RPRD1A: variants seen among roughly 807,000 people sequenced by gnomAD.
RPRD1A encodes the protein regulation of nuclear pre-mRNA domain-containing protein 1A.
Under a neutral mutation model 37.8 loss-of-function variants are expected in RPRD1A, and 9 were observed. That is an observed-to-expected ratio of 0.24 (90% confidence interval 0.14 to 0.42). The LOEUF is 0.42. RPRD1A is among the 10% of genes least tolerant of loss of function. The pLI, the probability that RPRD1A is intolerant of heterozygous loss-of-function variation, is 1.00. For synonymous variants in RPRD1A, 138 were observed against 139.7 expected, an observed-to-expected ratio of 0.99 and a Z score of 0.08; for missense variants, 255 against 371.0, an observed-to-expected ratio of 0.69 and a Z score of 2.57.
chr18:36,015,179 C>CATAT (rs1568122106), intron 6 of RPRD1A, among the ~76,000 whole-genome samples: 1 of 132,034 alleles, frequency 7.6e-6, no homozygotes, highest in African/African-American at 3.5e-5. Context: ...TATATACACA[C>CATAT]ACACACACAC....
chr18:36,052,192 C>T (rs905925356), intron 1 of RPRD1A, among the ~76,000 whole-genome samples: 5 of 145,390 alleles, frequency 3.4e-5, no homozygotes, highest in African/African-American at 5.0e-5. Context: ...AGATTTTATA[C>T]TTAGCAAAAC....
chr18:35,996,986 A>C (rs1051235315), intron 6 of RPRD1A, among the ~76,000 whole-genome samples: 6 of 118,312 alleles, frequency 5.1e-5, no homozygotes, highest in Non-Finnish European at 1.2e-4. Context: ...TCAAAAAAAA[A>C]AAAAAAAAAA....
chr18:36,008,571 G>GTATATATACATATATATA, intron 6 of RPRD1A, among the ~76,000 whole-genome samples: 1 of 27,940 alleles, frequency 3.6e-5, no homozygotes, highest in South Asian at 1.1e-3. Context: ...GCAAGACCTT[G>GTATATATACATATATATA]TGTGTGTATA....
intron 1 of RPRD1A, among the ~76,000 whole-genome samples, chr18:36,057,583 G>C (rs1913882138): frequency 6.6e-6 from 1 of 152,128 alleles, no homozygotes; most frequent in African/African-American, 2.4e-5. Flanking sequence ...CTGCACTCTA[G>C]CCTGGGTGAG....
intron 2 of RPRD1A, among the ~76,000 whole-genome samples, chr18:36,033,313 A>C (rs1339292554): frequency 6.7e-6 from 1 of 150,188 alleles, no homozygotes; most frequent in Non-Finnish European, 1.5e-5. Context: ...AAAAAAAAAA[A>C]AAAAAAAAAA....
intron 6 of RPRD1A, among the ~76,000 whole-genome samples, chr18:36,002,546 T>C (rs1005959127): frequency 4.6e-5 from 7 of 151,934 alleles, no homozygotes; most frequent in African/African-American, 1.7e-4. Context: ...GTGTCGGTAA[T>C]TTTTTTTCCC....
At chr18:36,054,794 G>A (rs767472667) in intron 1 of RPRD1A, among the ~76,000 whole-genome samples, 1 of 151,870 alleles carries the variant, frequency 6.6e-6, no homozygotes, top group Non-Finnish European at 1.5e-5. Context: ...CTGAAGGCTG[G>A]CAAACTGGAG....
In RPRD1A at chr18:35,991,765, T is replaced by C. The variant is rs985266174; in HGVS notation, c.*1386A>G. The C allele has an allele frequency of 6.6e-6, 1 of 152,208 alleles. No individual in the cohort carries two copies. The highest frequency in any genetic ancestry group is 2.4e-5 in the African/African-American group (1 of 41,438). 9.4% of individuals were successfully genotyped at this position (152,208 alleles called of 1,614,324 possible). ...GGCTATTAAAAATAAATGTCTGCCT[T>C]CTTCATATGCAATTCATTGTAACTA... On this transcript the variant is annotated 3_prime_UTR_variant, in exon 7 of 7. Coordinates refer to ENST00000399022, the MANE Select transcript of RPRD1A (RefSeq NM_018170.5).
At chr18:36,001,664 G>A (rs1301929030) in intron 6 of RPRD1A, among the ~76,000 whole-genome samples, 4 of 152,152 alleles carry the variant, frequency 2.6e-5, no homozygotes, top group Non-Finnish European at 4.4e-5. Flanking sequence ...CCATATCTGA[G>A]CAGAGTGAAG....
chr18:36,014,312 C>T (rs1650501953), intron 6 of RPRD1A, among the ~76,000 whole-genome samples: 1 of 152,210 alleles, frequency 6.6e-6, no homozygotes, highest in South Asian at 2.1e-4. Context: ...TCTCATCTTT[C>T]AGGAAATATT....
intron 4 of RPRD1A, among the ~76,000 whole-genome samples, chr18:36,029,940 G>T (rs1228795279): frequency 1.3e-5 from 2 of 151,498 alleles, no homozygotes; most frequent in East Asian, 4.0e-4. Flanking sequence ...CGAGTAGCTG[G>T]GACTACAGGC....
chr18:36,009,480 T>A (rs1432748679), intron 6 of RPRD1A, among the ~76,000 whole-genome samples: 4 of 152,192 alleles, frequency 2.6e-5, no homozygotes, highest in African/African-American at 9.6e-5. Context: ...TGTGAATGCT[T>A]CCACCTTTAC....
rs138413588 is a variant in RPRD1A, at chr18:36,008,569, T to TTGTGTGTGTG, written c.790-15270_790-15269insCACACACACA. ...CTAGCCTGGGCGACACAGCAAGACCTTGTGTGTGTATATATATATATCTTT... is the reference window on the plus strand; with the variant it reads ...CTAGCCTGGGCGACACAGCAAGACCTTGTGTGTGTGTGTGTGTGTATATATATATATCTTT... On this transcript the variant is annotated intron_variant, in intron 6 of 6. Coordinates refer to ENST00000399022, the MANE Select transcript of RPRD1A (RefSeq NM_018170.5). 3.4e-3 allele frequency among the ~76,000 whole-genome samples: 192 copies of TTGTGTGTGTG among 56,024 alleles called. 5 individuals carry two copies. Among genetic ancestry groups the TTGTGTGTGTG allele is most frequent in the East Asian group, 5.7e-3 (14 of 2,470 alleles). 36.8% of individuals were successfully genotyped at this position (56,024 alleles called of 152,430 possible). A position where few individuals can be genotyped will look rare whatever the true frequency, so the allele number is the denominator to read the frequency against.
chr18:36,043,196 C>CG (rs34464375), intron 1 of RPRD1A, among the ~76,000 whole-genome samples: 4,605 of 65,400 alleles, frequency 0.07, 318 homozygotes, highest in African/African-American at 0.17. Context: ...CAAGAAGAAT[C>CG]GGGGGGGGGG....
intron 6 of RPRD1A, among the ~76,000 whole-genome samples, chr18:36,013,652 G>A (rs1365893081): frequency 6.6e-6 from 1 of 152,142 alleles, no homozygotes; most frequent in Non-Finnish European, 1.5e-5. Context: ...GCAAAGACCT[G>A]CGCCATTTTT....
intron 1 of RPRD1A, chr18:36,062,925 G>A (rs1281324782): frequency 2.6e-5 from 4 of 152,088 alleles, no homozygotes; most frequent in Non-Finnish European, 5.9e-5. Flanking sequence ...ATGGATAAAA[G>A]GTGTGGTATG....
chr18:36,036,759 A>G (rs1912218617), intron 1 of RPRD1A, among the ~76,000 whole-genome samples: 2 of 152,204 alleles, frequency 1.3e-5, no homozygotes, highest in Admixed American at 1.3e-4. Flanking sequence ...GAATTTTGAT[A>G]TTTTTAAAAA....
intron 1 of RPRD1A, among the ~76,000 whole-genome samples, chr18:36,054,206 AT>A (rs11297852): frequency 1 from 152,354 of 152,354 alleles, 76,177 homozygotes; most frequent in Non-Finnish European, 1. Flanking sequence ...TAGTAAATCT[AT>A]TGGCTGGGCA....
intron 6 of RPRD1A, among the ~76,000 whole-genome samples, chr18:36,001,727 T>G (rs572224206): frequency 1.3e-5 from 2 of 152,278 alleles, no homozygotes; most frequent in East Asian, 3.9e-4. Flanking sequence ...TGAAATACAT[T>G]TTTGCTGAAC....
Sources: gnomAD v4.1 joint callset for allele counts (sites outside exome capture counted in the v4.1 genomes callset) on GRCh38, gnomAD v4.1.1 for gene constraint, MANE v1.5 for transcripts, NCBI Gene and HGNC (gene_info 2026-07-23, HGNC 2026-07-21) for gene names.